Variants in UGT3A2 observed in about 807,000 individuals in gnomAD.
UGT3A2 encodes the protein UDP glycosyltransferase family 3 member A2.
UGT3A2 carries 32 observed loss-of-function variants against 39.8 expected under a neutral mutation model. The observed-to-expected ratio is 0.80, with a 90% CI of 0.61 to 1.08. The LOEUF is 1.08. Among genes scored for constraint, UGT3A2 ranks in the 50% least tolerant of loss-of-function variants. The pLI is 0.00. For missense variants in UGT3A2, 611 were observed against 637.1 expected (o/e 0.96, Z 0.44); for synonymous variants, 241 against 230.7 (o/e 1.04, Z -0.40).
At chr5:36,039,729 TA>T in intron 4 of UGT3A2, 21 bp from the exon 5 acceptor site, 2 of 1,608,672 alleles carry the variant, frequency 1.2e-6, no homozygotes, top group Non-Finnish European at 1.7e-6. Flanking sequence ...ATTACCAAGG[TA>T]AAGAGGTGAC....
chr5:36,060,458 C>T (rs1742655356), intron 2 of UGT3A2, among the ~76,000 whole-genome samples: 1 of 152,046 alleles, frequency 6.6e-6, no homozygotes, highest in Non-Finnish European at 1.5e-5. Flanking sequence ...AATCTGAAGC[C>T]TGTTAGTAAT....
At position 36,035,475 on chromosome 5, in the gene UGT3A2, AGAG is replaced by A. The variant is rs1046666313; in HGVS notation, c.*220_*222del. On this transcript the variant is annotated 3_prime_UTR_variant, in exon 7 of 7. Coordinates refer to ENST00000282507, the MANE Select transcript of UGT3A2 (RefSeq NM_174914.4). ...TGCTGATGGCAAACAAAGGAGGACAAGAGGACTGGAAAGAATTCTGCTAGCAGG... is the reference window on the plus strand; with the variant it reads ...TGCTGATGGCAAACAAAGGAGGACAAGACTGGAAAGAATTCTGCTAGCAGG... The A allele has an allele frequency of 1.6e-6, 1 of 613,962 alleles. No individual in the cohort carries two copies. Among genetic ancestry groups the A allele is most frequent in the African/African-American group, 1.9e-5 (1 of 54,046 alleles). The allele number at this position is 613,962 out of a possible 1,614,324, so 38.0% of individuals were successfully genotyped here.
In UGT3A2 at chr5:36,037,898, C is replaced by G; in HGVS notation, c.1194G>C (p.Met398Ile). 1 of 1,614,068 alleles carries G rather than the reference C, an allele frequency of 6.2e-7. No individual in the cohort carries two copies. Among genetic ancestry groups the G allele is most frequent in the Non-Finnish European group, 8.5e-7 (1 of 1,179,986 alleles). Residue 398 changes from methionine to isoleucine, a missense_variant, in exon 6 of 7, where the codon ATG (methionine) becomes ATC (isoleucine). By Grantham distance (10) the Met-to-Ile change is conservative. Coordinates refer to ENST00000282507, the MANE Select transcript of UGT3A2 (RefSeq NM_174914.4). The part of the protein sequence containing the change: ...IPLFGDQPEN[M>I]VRVEAKKFGV... ...CAAACTTTTTGGCTTCTACTCGGAC[C>G]ATGTTTTCAGGCTGGTCTCCAAAGA... is the stretch of plus-strand genomic sequence containing the variant.
At chr5:36,040,101 A>G (rs1158796994) in intron 4 of UGT3A2, among the ~76,000 whole-genome samples, 1 of 152,124 alleles carries the variant, frequency 6.6e-6, no homozygotes, top group Non-Finnish European at 1.5e-5. Context: ...CTTCTGTTGC[A>G]GGCAGAAATG....
intron 4 of UGT3A2, among the ~76,000 whole-genome samples, chr5:36,045,788 T>C (rs1049587005): frequency 2.3e-4 from 35 of 152,034 alleles, no homozygotes; most frequent in African/African-American, 8.5e-4. Context: ...TCACATCAAG[T>C]TAGAAGGCTT....
At position 36,038,145 on chromosome 5, in the gene UGT3A2, G is replaced by C. The variant is rs544843615; in HGVS notation, c.1076-129C>G. ...GTTGGAGACATTGTATCTAATGACTGTGCTTGGGACACATCCAATGTTACA... is the reference window on the plus strand; with the variant it reads ...GTTGGAGACATTGTATCTAATGACTCTGCTTGGGACACATCCAATGTTACA... On this transcript the variant is annotated intron_variant, in intron 5 of 6. Transcript: ENST00000282507. 1.5e-4 allele frequency: 144 copies of C among 968,558 alleles called. 1 individual carries two copies. The South Asian group carries it at 2.1e-3, about 14-fold the overall frequency. 60.0% of individuals were successfully genotyped at this position (968,558 alleles called of 1,614,324 possible).
chr5:36,038,107 G>T (rs1324567540), intron 5 of UGT3A2, 91 bp from the exon 6 acceptor site: 2 of 1,327,920 alleles, frequency 1.5e-6, no homozygotes, highest in South Asian at 1.5e-5. Flanking sequence ...GTGCCAAGGG[G>T]ATCTAGTGGT....
At position 36,064,237 on chromosome 5, in the gene UGT3A2, G is replaced by A; in HGVS notation, c.196+12C>T. Reference sequence around the variant, plus strand: ...TGGAGTAGGAGAAATCAAGAAAAGTGAGAAAAGATACCTGGCATAAAAGGA... The same window carrying A: ...TGGAGTAGGAGAAATCAAGAAAAGTAAGAAAAGATACCTGGCATAAAAGGA... On this transcript the variant is annotated intron_variant, in intron 2 of 6. Transcript: ENST00000282507. 2 of 1,611,538 alleles carry A rather than the reference G, an allele frequency of 1.2e-6. No homozygotes were observed. Among genetic ancestry groups the A allele is most frequent in the South Asian group, 2.2e-5 (2 of 90,886 alleles).
chr5:36,038,313 T>G (rs1407778866), intron 5 of UGT3A2, among the ~76,000 whole-genome samples: 3 of 152,218 alleles, frequency 2.0e-5, no homozygotes, highest in African/African-American at 7.2e-5. Flanking sequence ...CATCCATTCT[T>G]CCTTCTCTCT....
chr5:36,066,601 C>T, intron 1 of UGT3A2, 95 bp downstream of exon 1: 1 of 1,590,340 alleles, frequency 6.3e-7, no homozygotes, highest in Non-Finnish European at 8.6e-7. Context: ...TGGAAAATCA[C>T]GTGGATGACT....
chr5:36,064,994 G>A (rs1440869477), intron 1 of UGT3A2, among the ~76,000 whole-genome samples: 2 of 152,186 alleles, frequency 1.3e-5, no homozygotes, highest in East Asian at 1.9e-4. Flanking sequence ...ACTGTGGGGC[G>A]CTTGGGGTGG....
intron 1 of UGT3A2, 44 bp downstream of exon 1, chr5:36,066,652 A>C: frequency 6.2e-7 from 1 of 1,612,718 alleles, no homozygotes; most frequent in Non-Finnish European, 8.5e-7. Context: ...CAGTGCGAGT[A>C]TCCGGGACGC....
At chr5:36,052,479 A>G (rs917735496) in intron 2 of UGT3A2, among the ~76,000 whole-genome samples, 1 of 151,608 alleles carries the variant, frequency 6.6e-6, no homozygotes, top group African/African-American at 2.4e-5. Context: ...CTCCATTTTC[A>G]CTCTTTGCCT....
intron 4 of UGT3A2, among the ~76,000 whole-genome samples, chr5:36,044,996 A>C (rs912817708): frequency 6.6e-6 from 1 of 152,190 alleles, no homozygotes; most frequent in Non-Finnish European, 1.5e-5. Context: ...TAAAATTTAT[A>C]TGGAACCACA....
At chr5:36,042,663 CAT>C (rs1490997653) in intron 4 of UGT3A2, among the ~76,000 whole-genome samples, 1 of 151,694 alleles carries the variant, frequency 6.6e-6, no homozygotes, top group Non-Finnish European at 1.5e-5. Flanking sequence ...TAAAAACACA[CAT>C]AGACTGAAAA....
At chr5:36,040,177 T>A (rs895907536) in intron 4 of UGT3A2, among the ~76,000 whole-genome samples, 1 of 152,156 alleles carries the variant, frequency 6.6e-6, no homozygotes, top group African/African-American at 2.4e-5. Context: ...TGTTTTCCTC[T>A]AATGTTTTAT....
intron 1 of UGT3A2, among the ~76,000 whole-genome samples, chr5:36,066,023 GC>G (rs1742868360): frequency 6.6e-6 from 1 of 152,128 alleles, no homozygotes; most frequent in Non-Finnish European, 1.5e-5. Context: ...GACCCAAAAT[GC>G]AGAATTAACA....
chr5:36,042,248 T>C (rs1025863362), intron 4 of UGT3A2, among the ~76,000 whole-genome samples: 4 of 152,080 alleles, frequency 2.6e-5, no homozygotes, highest in Non-Finnish European at 5.9e-5. Flanking sequence ...AAGTGTAGAA[T>C]TTTTATTACT....
chr5:36,051,813 T>C (rs1742351890), intron 3 of UGT3A2, 57 bp downstream of exon 3: 2 of 1,243,816 alleles, frequency 1.6e-6, no homozygotes, highest in Non-Finnish European at 2.3e-6. Context: ...CATCCATCCA[T>C]CCATTTGTAT....
Sources: allele counts gnomAD v4.1 joint callset (sites outside exome capture counted in the v4.1 genomes callset), GRCh38; gene constraint gnomAD v4.1.1; transcripts MANE v1.5; gene names NCBI Gene and HGNC (gene_info 2026-07-23, HGNC 2026-07-21).